The following GKAP1 variants were observed in gnomAD, a reference collection of about 807,000 sequenced individuals.
GKAP1 encodes the protein G kinase anchoring protein 1.
GKAP1 carries 31 observed loss-of-function variants against 56.7 expected under a neutral mutation model. The ratio of observed to expected loss-of-function variants is 0.55; its 90% CI spans 0.41 to 0.74. The LOEUF (loss-of-function observed/expected upper bound fraction) is 0.74, where lower values mean the gene tolerates loss of function less well. GKAP1 is among the 30% of genes least tolerant of loss of function. The pLI is 0.00. For missense variants in GKAP1, 364 were observed against 402.3 expected (o/e 0.90, Z 0.82); for synonymous variants, 151 against 138.6 (o/e 1.09, Z -0.63).
intron 7 of GKAP1, among the ~76,000 whole-genome samples, chr9:83,772,895 C>T (rs1564198412): frequency 6.6e-6 from 1 of 152,156 alleles, no homozygotes; most frequent in Non-Finnish European, 1.5e-5. Flanking sequence ...TACATACCCA[C>T]TAGAATGGCT....
At chr9:83,776,290 T>A (rs567625428) in intron 7 of GKAP1, among the ~76,000 whole-genome samples, 1 of 152,046 alleles carries the variant, frequency 6.6e-6, no homozygotes, top group Non-Finnish European at 1.5e-5. Context: ...CTGAGAAGAA[T>A]AGAAAATAGG....
intron 8 of GKAP1, among the ~76,000 whole-genome samples, chr9:83,757,241 C>T (rs1362983546): frequency 6.6e-6 from 1 of 152,008 alleles, no homozygotes; most frequent in Non-Finnish European, 1.5e-5. Flanking sequence ...AAAGCTGGGA[C>T]CCACTCAGCA....
intron 8 of GKAP1, among the ~76,000 whole-genome samples, chr9:83,754,100 C>T (rs1015584567): frequency 6.6e-6 from 1 of 152,056 alleles, no homozygotes; most frequent in African/African-American, 2.4e-5. Flanking sequence ...ATCATGGAAC[C>T]TAGGTTGACA....
chr9:83,800,331 GTTTTTTTTTTGTTTT>G (rs946682818), intron 3 of GKAP1, among the ~76,000 whole-genome samples: 28 of 95,614 alleles, frequency 2.9e-4, no homozygotes, highest in African/African-American at 9.1e-4. Flanking sequence ...GCCTCCTTAC[GTTTTTTTTTTGTTTT>G]TTTTTTTTTT....
rs778732595 is a variant in GKAP1 at position 83,806,335 on chromosome 9, T to C, written c.183A>G (p.Lys61=). 1.3e-5 allele frequency: 20 copies of C among 1,552,782 alleles called. No homozygotes were observed. The highest frequency in any genetic ancestry group is 1.5e-5 in the Non-Finnish European group (17 of 1,147,580). ...CTTCACTCTGTTGCTGTTCCTTCTTTTTTCTTCTTTTCTCTCTTTTTTTCT... is the reference window on the plus strand; with the variant it reads ...CTTCACTCTGTTGCTGTTCCTTCTTCTTTCTTCTTTTCTCTCTTTTTTTCT... The part of the protein sequence containing the change: ...TNEKKREKRR[K]KKEQQQSEAN... Residue 61 remains lysine (K), a synonymous_variant, in exon 3 of 13, where the codon AAA becomes AAG. Transcript: ENST00000376371.
intron 2 of GKAP1, among the ~76,000 whole-genome samples, chr9:83,810,169 TGTTAG>T: frequency 6.6e-6 from 1 of 152,386 alleles, no homozygotes; most frequent in South Asian, 2.1e-4. Flanking sequence ...TGAAAAGAGC[TGTTAG>T]ATTATTTAAA....
At chr9:83,774,132 A>C (rs968719587) in intron 7 of GKAP1, among the ~76,000 whole-genome samples, 5 of 151,694 alleles carry the variant, frequency 3.3e-5, no homozygotes, top group African/African-American at 1.2e-4. Context: ...CGGCCTCCCA[A>C]AGTGCTGGGA....
Position 83,798,994 on chromosome 9 carries a change from T to C in GKAP1, c.360+191A>G, listed in dbSNP as rs187756792. 2.6e-5 allele frequency among the ~76,000 whole-genome samples: 4 copies of C among 152,296 alleles called. No homozygotes were observed. In the East Asian group the frequency reaches 5.8e-4, roughly 22 times the overall value. ...CTGCTTCCTATTGTCAAAACTAACA[T>C]AAACAACAAATGTATCACTTTTGTT... On this transcript the variant is annotated intron_variant, in intron 4 of 12. Coordinates refer to ENST00000376371, the MANE Select transcript of GKAP1 (RefSeq NM_025211.4).
At position 83,788,670 on chromosome 9, in the gene GKAP1, A is replaced by C; in HGVS notation, c.369T>G (p.Ser123=). Residue 123 remains serine, a synonymous_variant, in exon 5 of 13, where the codon TCT becomes TCG. Coordinates refer to ENST00000376371, the MANE Select transcript of GKAP1 (RefSeq NM_025211.4). ...TCTCAAGATCTGCTTCAAACATTTC[A>C]GATGTCAGCTACAAAAAAAAAGTTT... ...EWRQRDEQLT[S]EMFEADLEKA... The C allele has an allele frequency of 1.2e-6, 2 of 1,603,006 alleles. No individual in the cohort carries two copies. The highest frequency in any genetic ancestry group is 1.7e-6 in the Non-Finnish European group (2 of 1,174,690).
At chr9:83,761,855 T>C (rs951828383) in intron 8 of GKAP1, among the ~76,000 whole-genome samples, 5 of 152,114 alleles carry the variant, frequency 3.3e-5, no homozygotes, top group Non-Finnish European at 7.4e-5. Context: ...AAATTCAACA[T>C]CGCTTCATGA....
intron 8 of GKAP1, among the ~76,000 whole-genome samples, chr9:83,766,172 T>C (rs1564195547): frequency 6.6e-6 from 1 of 152,178 alleles, no homozygotes; most frequent in African/African-American, 2.4e-5. Context: ...TATAAGGGGC[T>C]TCCCCCTTCA....
intron 7 of GKAP1, among the ~76,000 whole-genome samples, chr9:83,773,522 G>A (rs745738656): frequency 2.0e-5 from 3 of 151,510 alleles, no homozygotes; most frequent in Non-Finnish European, 4.4e-5. Context: ...ACTCAATACA[G>A]CTGTTTAAAA....
chr9:83,755,799 CTTTTTTTT>C (rs34145592), intron 8 of GKAP1, among the ~76,000 whole-genome samples: 13 of 124,432 alleles, frequency 1.0e-4, no homozygotes, highest in African/African-American at 3.4e-4. Context: ...CAAACTGGTA[CTTTTTTTT>C]TTTTTTTTTT....
In GKAP1 at chr9:83,805,059, G is replaced by A. The variant is rs529464457; in HGVS notation, c.216+1243C>T. ...AAGGTGGGGAAAAGATTGAGAAATC[G>A]GATGGTTGCCGTGTCTGTGTAGAAA... On this transcript the variant is annotated intron_variant, in intron 3 of 12. Transcript: ENST00000376371. Among the ~76,000 whole-genome samples, 5 of 152,314 alleles carry A rather than the reference G, an allele frequency of 3.3e-5. No individual in the cohort carries two copies. In the East Asian group the frequency reaches 5.8e-4, roughly 18 times the overall value.
chr9:83,769,083 G>T, intron 7 of GKAP1, 113 bp from the exon 8 acceptor site: 1 of 698,360 alleles, frequency 1.4e-6, no homozygotes. Context: ...TCAACCACTA[G>T]AAGGATAAAA....
chr9:83,807,120 C>G (rs566493137), intron 2 of GKAP1, among the ~76,000 whole-genome samples: 1 of 152,272 alleles, frequency 6.6e-6, no homozygotes, highest in South Asian at 2.1e-4. Context: ...AAATGCCTTC[C>G]ACATTATGTT....
intron 10 of GKAP1, among the ~76,000 whole-genome samples, chr9:83,745,919 T>C (rs1315541540): frequency 6.6e-6 from 1 of 152,062 alleles, no homozygotes; most frequent in African/African-American, 2.4e-5. Context: ...GCCTCCCAAG[T>C]AGCTGGGATT....
intron 7 of GKAP1, among the ~76,000 whole-genome samples, chr9:83,778,035 A>G (rs1250841903): frequency 1.3e-5 from 2 of 152,242 alleles, no homozygotes; most frequent in Non-Finnish European, 2.9e-5. Context: ...ATTACTAAAA[A>G]GTCAAAAAAT....
At chr9:83,751,910 G>T (rs570322562) in intron 9 of GKAP1, among the ~76,000 whole-genome samples, 11 of 152,174 alleles carry the variant, frequency 7.2e-5, no homozygotes, top group Admixed American at 2.0e-4. Flanking sequence ...TGGAAGTTTG[G>T]CAGTTCCTCG....
Sources: allele counts gnomAD v4.1 joint callset (sites outside exome capture counted in the v4.1 genomes callset), GRCh38; gene constraint gnomAD v4.1.1; transcripts MANE v1.5; gene names NCBI Gene and HGNC (gene_info 2026-07-23, HGNC 2026-07-21).